The following NAV2 variants were observed in gnomAD, a reference collection of about 807,000 sequenced individuals.
The protein encoded by NAV2 is neuron navigator 2, also known as helicase, APC down-regulated 1.
A neutral mutation model predicts 223.2 loss-of-function variants in NAV2; 54 were observed. The observed-to-expected ratio is 0.24, with a 90% CI of 0.19 to 0.30. NAV2 has a LOEUF of 0.30. NAV2 is among the 10% of genes least tolerant of loss of function. NAV2 has a pLI of 1.00. For synonymous variants in NAV2, 1,279 were observed against 1,239.3 expected, an observed-to-expected ratio of 1.03 and a Z score of -0.67; for missense variants, 2,806 against 3,147.5, an observed-to-expected ratio of 0.89 and a Z score of 2.60.
intron 7 of NAV2, among the ~76,000 whole-genome samples, chr11:19,937,017 A>G (rs2045962126): frequency 6.6e-6 from 1 of 152,146 alleles, no homozygotes; most frequent in South Asian, 2.1e-4. Flanking sequence ...GCACGCCTGT[A>G]GTCCCAACTA....
At chr11:20,047,348 T>G (rs2057546407) in intron 14 of NAV2, among the ~76,000 whole-genome samples, 1 of 152,234 alleles carries the variant, frequency 6.6e-6, no homozygotes, top group Non-Finnish European at 1.5e-5. Context: ...TAAGGTATTC[T>G]TAGTTCTCTT....
At chr11:19,507,468 C>G (rs2043156853) in intron 1 of NAV2, among the ~76,000 whole-genome samples, 1 of 152,134 alleles carries the variant, frequency 6.6e-6, no homozygotes, top group Non-Finnish European at 1.5e-5. Flanking sequence ...TGAGAAGTGG[C>G]TAATTTGGTA....
At chr11:19,610,045 G>T (rs1329340576) in intron 1 of NAV2, among the ~76,000 whole-genome samples, 1 of 152,204 alleles carries the variant, frequency 6.6e-6, no homozygotes, top group African/African-American at 2.4e-5. Flanking sequence ...CCAAAACCAG[G>T]ACTGATAGGT....
At position 19,428,218 on chromosome 11, in the gene NAV2, T is replaced by C. The variant is rs114827581; in HGVS notation, c.75+77191T>C. Among the ~76,000 whole-genome samples, 196 of 152,346 alleles carry C rather than the reference T, an allele frequency of 1.3e-3. 1 individual carries two copies. The highest frequency in any genetic ancestry group is 4.4e-3 in the African/African-American group (182 of 41,572). ...TTGTTAAATATCCCAATTTTTAATA[T>C]TGGCAACGAATTTAAAACACACATA... On this transcript the variant is annotated intron_variant, in intron 1 of 37. Coordinates refer to the NAV2 transcript ENST00000360655.
At chr11:19,966,677 T>C (rs2048798949) in intron 10 of NAV2, among the ~76,000 whole-genome samples, 1 of 152,146 alleles carries the variant, frequency 6.6e-6, no homozygotes, top group African/African-American at 2.4e-5. Context: ...GCCACAATCC[T>C]TCAAGAGTCT....
chr11:19,778,154 A>G (rs1469968211), intron 1 of NAV2, among the ~76,000 whole-genome samples: 6 of 152,220 alleles, frequency 3.9e-5, no homozygotes, highest in Non-Finnish European at 7.3e-5. Context: ...CTTGCTGCCC[A>G]AAGAAGCCTG....
intron 1 of NAV2, among the ~76,000 whole-genome samples, chr11:19,793,792 T>A (rs1436764346): frequency 6.6e-6 from 1 of 152,192 alleles, no homozygotes; most frequent in African/African-American, 2.4e-5. Context: ...TTCCTCCTGA[T>A]ATCATCTCAA....
At chr11:19,786,523 A>T (rs1420250595) in intron 1 of NAV2, among the ~76,000 whole-genome samples, 3 of 152,232 alleles carry the variant, frequency 2.0e-5, no homozygotes, top group Non-Finnish European at 2.9e-5. Context: ...TTGAGATTGC[A>T]TACAGCTTCA....
intron 11 of NAV2, among the ~76,000 whole-genome samples, chr11:19,997,101 C>A (rs1459678015): frequency 6.6e-6 from 1 of 152,154 alleles, no homozygotes; most frequent in African/African-American, 2.4e-5. Flanking sequence ...TGTGGGCAAC[C>A]TATGAGTATG....
intron 11 of NAV2, among the ~76,000 whole-genome samples, chr11:20,031,759 TGTGC>T (rs1338865721): frequency 6.6e-6 from 1 of 150,644 alleles, no homozygotes; most frequent in Non-Finnish European, 1.5e-5. Context: ...TGTGTGTGTG[TGTGC>T]TTCATTCTTC....
intron 6 of NAV2, among the ~76,000 whole-genome samples, chr11:19,894,576 G>C (rs1199192826): frequency 2.6e-5 from 4 of 152,192 alleles, no homozygotes; most frequent in African/African-American, 9.6e-5. Flanking sequence ...TGCTAGGACA[G>C]TGACTGACCT....
At chr11:19,544,892 T>A (rs1403378767) in intron 1 of NAV2, among the ~76,000 whole-genome samples, 1 of 152,166 alleles carries the variant, frequency 6.6e-6, no homozygotes, top group Middle Eastern at 3.2e-3. Context: ...GGAATGAGAA[T>A]CGTAGTACCT....
At chr11:19,574,842 G>C (rs1157376369) in intron 1 of NAV2, among the ~76,000 whole-genome samples, 1 of 152,172 alleles carries the variant, frequency 6.6e-6, no homozygotes, top group Non-Finnish European at 1.5e-5. Context: ...ACCTTAGATG[G>C]GGAGTCAGGG....
intron 1 of NAV2, among the ~76,000 whole-genome samples, chr11:19,421,071 G>A (rs946213507): frequency 1.3e-5 from 2 of 152,140 alleles, no homozygotes; most frequent in South Asian, 2.1e-4. Context: ...ACTGTGGGAC[G>A]CCTGGCCTTG....
At chr11:19,961,391 A>G (rs2048343764) in intron 10 of NAV2, among the ~76,000 whole-genome samples, 1 of 152,202 alleles carries the variant, frequency 6.6e-6, no homozygotes, top group African/African-American at 2.4e-5. Flanking sequence ...AGTTGAGGTG[A>G]ATATGAAAAG....
intron 1 of NAV2, among the ~76,000 whole-genome samples, chr11:19,426,226 G>C (rs890962596): frequency 1.3e-5 from 2 of 152,128 alleles, no homozygotes; most frequent in Admixed American, 6.5e-5. Flanking sequence ...TTGCCTCACA[G>C]CTCTAGATGT....
chr11:19,482,905 T>A (rs1401885217), intron 1 of NAV2, among the ~76,000 whole-genome samples: 1 of 152,180 alleles, frequency 6.6e-6, no homozygotes, highest in South Asian at 2.1e-4. Context: ...TGTGCATGCA[T>A]GTATGGATTG....
intron 11 of NAV2, among the ~76,000 whole-genome samples, chr11:20,029,497 G>T (rs190286840): frequency 3.3e-5 from 5 of 152,322 alleles, no homozygotes; most frequent in Non-Finnish European, 7.4e-5. Context: ...AACCAGTGTT[G>T]TTTCCACTTG....
chr11:19,381,014 G>A (rs1475588947), intron 1 of NAV2, among the ~76,000 whole-genome samples: 1 of 152,226 alleles, frequency 6.6e-6, no homozygotes. Flanking sequence ...ATGGGTTGTA[G>A]TGGTTTCCAG....
Sources: allele counts gnomAD v4.1 joint callset (sites outside exome capture counted in the v4.1 genomes callset), GRCh38; gene constraint gnomAD v4.1.1; transcripts MANE v1.5; gene names NCBI Gene and HGNC (gene_info 2026-07-23, HGNC 2026-07-21).